Variants in ANK3 observed in about 807,000 individuals in gnomAD.
ANK3 encodes the protein ankyrin-3.
A neutral mutation model predicts 370.9 loss-of-function variants in ANK3; 57 were observed. The observed-to-expected ratio is 0.15, with a 90% CI of 0.12 to 0.19. The LOEUF (loss-of-function observed/expected upper bound fraction) is 0.19. Ranked by LOEUF, ANK3 falls within the 10% of genes least tolerant of loss-of-function variation. The probability of loss-of-function intolerance (pLI) is 1.00; values close to 1 mark genes in which losing one functional copy is unlikely to be tolerated. For synonymous variants in ANK3, 1,929 were observed against 1,946.3 expected (o/e 0.99, Z 0.23); for missense variants, 4,439 against 5,302.1 (o/e 0.84, Z 5.06).
intron 1 of ANK3, among the ~76,000 whole-genome samples, chr10:60,689,683 T>C (rs1477475312): frequency 6.8e-6 from 1 of 147,036 alleles, no homozygotes; most frequent in African/African-American, 2.5e-5. Context: ...ACCCAGAAGG[T>C]GGAAGTTGCA....
At chr10:60,138,482 A>G (rs1347514295) in intron 24 of ANK3, 3 of 395,384 alleles carry the variant, frequency 7.6e-6, no homozygotes, top group Non-Finnish European at 1.3e-5. Context: ...AGAGATACTC[A>G]AACACTTGGT....
intron 1 of ANK3, among the ~76,000 whole-genome samples, chr10:60,377,521 C>G (rs1328297197): frequency 6.6e-6 from 1 of 152,008 alleles, no homozygotes; most frequent in African/African-American, 2.4e-5. Context: ...CAGTCATGCA[C>G]CATTATTTAA....
At chr10:60,129,243 C>A (rs1300696705) in intron 25 of ANK3, among the ~76,000 whole-genome samples, 4 of 152,166 alleles carry the variant, frequency 2.6e-5, no homozygotes, top group African/African-American at 9.7e-5. Flanking sequence ...TCAGGGGAAC[C>A]CTTAAAAATA....
intron 18 of ANK3, among the ~76,000 whole-genome samples, chr10:60,176,814 G>C (rs1252062046): frequency 6.6e-6 from 1 of 151,888 alleles, no homozygotes; most frequent in African/African-American, 2.4e-5. Context: ...AAAAAACCAA[G>C]TAATTTTGCT....
intron 2 of ANK3, among the ~76,000 whole-genome samples, chr10:60,537,199 GA>G (rs1317815968): frequency 6.6e-6 from 1 of 151,954 alleles, no homozygotes; most frequent in African/African-American, 2.4e-5. Context: ...TTATTTTGTA[GA>G]ATGAAAACAG....
chr10:60,618,113 T>G (rs1481820713), intron 1 of ANK3, among the ~76,000 whole-genome samples: 2 of 152,046 alleles, frequency 1.3e-5, no homozygotes, highest in Non-Finnish European at 2.9e-5. Context: ...GTAATATGAG[T>G]TGCCCAAAGT....
In ANK3 at chr10:60,027,366, G is replaced by A. The variant is rs1323470766; in HGVS notation, c.*2480C>T. On this transcript the variant is annotated 3_prime_UTR_variant, in exon 44 of 44. Transcript: ENST00000280772. ...CATCATAAAATAATTTTGGTGCAAGGGTAGTGGCACATTTTATTTATTTGG... is the reference window on the plus strand; with the variant it reads ...CATCATAAAATAATTTTGGTGCAAGAGTAGTGGCACATTTTATTTATTTGG... 1.3e-5 allele frequency: 2 copies of A among 149,710 alleles called. No homozygotes were observed. The highest frequency in any genetic ancestry group is 4.9e-5 in the African/African-American group (2 of 40,518). The allele number at this position is 149,710 out of a possible 1,614,324, so 9.3% of individuals were successfully genotyped here.
At chr10:60,219,602 T>A (rs1326460466) in intron 8 of ANK3, among the ~76,000 whole-genome samples, 1 of 152,086 alleles carries the variant, frequency 6.6e-6, no homozygotes, top group East Asian at 1.9e-4. Context: ...AAGTAGAGAG[T>A]TATTCACTTA....
At chr10:60,518,289 A>C (rs910291927) in intron 2 of ANK3, among the ~76,000 whole-genome samples, 1 of 152,096 alleles carries the variant, frequency 6.6e-6, no homozygotes, top group Non-Finnish European at 1.5e-5. Flanking sequence ...AAAAATAGCA[A>C]GCTCCTACTT....
At chr10:60,259,068 T>C (rs1425372373) in intron 7 of ANK3, among the ~76,000 whole-genome samples, 1 of 152,216 alleles carries the variant, frequency 6.6e-6, no homozygotes, top group Admixed American at 6.5e-5. Context: ...CTATTTCTGT[T>C]ACCTTCTTGA....
chr10:60,191,868 G>A (rs182781708), intron 16 of ANK3, among the ~76,000 whole-genome samples: 7 of 152,194 alleles, frequency 4.6e-5, no homozygotes, highest in Admixed American at 3.3e-4. Context: ...TGGATGATTA[G>A]ATAAAGAATA....
intron 14 of ANK3, 69 bp from the exon 15 acceptor site, chr10:60,196,694 A>C (rs1049304593): frequency 1.6e-5 from 16 of 973,064 alleles, no homozygotes; most frequent in Admixed American, 2.2e-5. Flanking sequence ...ACAAAACCCA[A>C]ACCAAACAAC....
chr10:60,572,448 G>A, intron 2 of ANK3: 2 of 1,534,960 alleles, frequency 1.3e-6, no homozygotes, highest in Non-Finnish European at 8.7e-7. Context: ...AGAACATGTT[G>A]CTTATTCATT....
At chr10:60,596,985 T>C (rs1368257059) in intron 2 of ANK3, among the ~76,000 whole-genome samples, 1 of 152,166 alleles carries the variant, frequency 6.6e-6, no homozygotes, top group Non-Finnish European at 1.5e-5. Context: ...ACATAAAAAA[T>C]TGAATCCATA....
intron 2 of ANK3, among the ~76,000 whole-genome samples, chr10:60,558,836 A>G (rs2077268282): frequency 6.6e-6 from 1 of 152,184 alleles, no homozygotes; most frequent in South Asian, 2.1e-4. Flanking sequence ...ATATTTGTAC[A>G]GCTCAAAAGA....
At chr10:60,309,520 A>G (rs2045890787) in intron 1 of ANK3, among the ~76,000 whole-genome samples, 1 of 152,216 alleles carries the variant, frequency 6.6e-6, no homozygotes, top group Non-Finnish European at 1.5e-5. Flanking sequence ...TAGCAGAAGA[A>G]CAAGACCTTT....
chr10:60,309,060 T>G (rs10761476), intron 1 of ANK3, among the ~76,000 whole-genome samples: 4 of 151,948 alleles, frequency 2.6e-5, no homozygotes, highest in African/African-American at 4.8e-5. Flanking sequence ...ATGAGGCCAA[T>G]AGAAATAAGA....
chr10:60,208,066 A>T lies in ANK3; in HGVS notation c.1164T>A (p.Asp388Glu). The T allele has an allele frequency of 6.2e-7, 1 of 1,614,006 alleles. No individual in the cohort carries two copies. The highest frequency in any genetic ancestry group is 8.5e-7 in the Non-Finnish European group (1 of 1,180,000). ...CTTTGGCATTGGGGTTAGCTTTCTT[A>T]TCCAAGAGAACCTTGGCAACTTTGT... is the stretch of plus-strand genomic sequence containing the variant. ...GHYKVAKVLL[D>E]KKANPNAKAL... The change falls in exon 10 of 44, where the codon GAT becomes GAA. Residue 388 changes from aspartate (D) to glutamate (E), a missense_variant. By Grantham distance (45) the Asp-to-Glu change is conservative. Around this residue, in one of 13 missense-constraint regions of ANK3, gnomAD observed 227 missense variants for 377.6 expected, o/e 0.60. Coordinates refer to ENST00000280772, the MANE Select transcript of ANK3 (RefSeq NM_020987.5).
intron 1 of ANK3, among the ~76,000 whole-genome samples, chr10:60,303,037 C>T (rs976432084): frequency 2.2e-4 from 34 of 152,226 alleles, no homozygotes; most frequent in African/African-American, 8.2e-4. Context: ...TTTTATCTAA[C>T]ACTGTATACA....
Sources: gnomAD v4.1 joint callset for allele counts (sites outside exome capture counted in the v4.1 genomes callset) on GRCh38, gnomAD v4.1.1 for gene constraint, gnomAD v4.1.1 regional missense constraint, MANE v1.5 for transcripts, NCBI Gene and HGNC (gene_info 2026-07-23, HGNC 2026-07-21) for gene names.